The following DGKH variants were observed in gnomAD, a reference collection of about 807,000 sequenced individuals.
DGKH encodes the protein diacylglycerol kinase eta.
DGKH carries 90 observed loss-of-function variants against 159.3 expected under a neutral mutation model. The observed-to-expected ratio is 0.57, with a 90% CI of 0.48 to 0.67. DGKH has a LOEUF of 0.67. Ranked by LOEUF, DGKH falls within the 30% of genes least tolerant of loss-of-function variation. The probability of loss-of-function intolerance (pLI) is 0.00; values close to 1 mark genes in which losing one functional copy is unlikely to be tolerated. For synonymous variants in DGKH, 536 were observed against 553.8 expected (o/e 0.97, Z 0.45); for missense variants, 1,181 against 1,506.1 (o/e 0.78, Z 3.57).
intron 1 of DGKH, among the ~76,000 whole-genome samples, chr13:42,092,631 A>G (rs1954442317): frequency 6.6e-6 from 1 of 152,190 alleles, no homozygotes; most frequent in Admixed American, 6.5e-5. Context: ...GAGTCTGGTT[A>G]ATGGTACAAA....
At position 42,140,091 on chromosome 13, in the gene DGKH, C is replaced by G. The variant is rs564382010; in HGVS notation, c.384+10459C>G. On this transcript the variant is annotated intron_variant, in intron 3 of 29. Transcript: ENST00000337343. ...CTGCTCTTCTCCACAAACATGCCCC[C>G]CTCCCAGTATTTCTGAGGCCAAACC... Among the ~76,000 whole-genome samples the G allele has an allele frequency of 2.6e-5, 4 of 152,320 alleles. No homozygotes were observed. In the South Asian group the frequency reaches 6.2e-4, roughly 24 times the overall value.
chr13:42,063,574 C>G (rs1337152925), intron 1 of DGKH, among the ~76,000 whole-genome samples: 1 of 152,164 alleles, frequency 6.6e-6, no homozygotes, highest in East Asian at 1.9e-4. Flanking sequence ...AAAAATGAAG[C>G]AGTGGCTGGA....
intron 22 of DGKH, 77 bp downstream of exon 22, chr13:42,209,149 A>G (rs1392267799): frequency 2.8e-6 from 4 of 1,405,776 alleles, no homozygotes; most frequent in Non-Finnish European, 2.9e-6. Flanking sequence ...AACAACTCGT[A>G]CACTGGATAT....
At chr13:42,098,289 C>T (rs1010507775) in intron 1 of DGKH, among the ~76,000 whole-genome samples, 8 of 152,292 alleles carry the variant, frequency 5.3e-5, no homozygotes, top group Admixed American at 5.2e-4. Context: ...AAGTTCAAGA[C>T]CAGCCTGGCC....
rs1056684917 is a variant in DGKH, at chr13:42,239,889, C to T, written c.*10701C>T. ...ACTTTTGTAATCCAGGAATTTGGAA[C>T]TACTTATGACTTAGTGCCTTGGCAT... On this transcript the variant is annotated 3_prime_UTR_variant, in exon 30 of 30. Transcript: ENST00000337343. The T allele has an allele frequency of 6.6e-6, 1 of 152,230 alleles. No homozygotes were observed. Among genetic ancestry groups the T allele is most frequent in the Non-Finnish European group, 1.5e-5 (1 of 68,042 alleles). 9.4% of individuals were successfully genotyped at this position (152,230 alleles called of 1,614,324 possible).
At chr13:42,106,495 G>A (rs1594035365) in intron 1 of DGKH, among the ~76,000 whole-genome samples, 1 of 152,180 alleles carries the variant, frequency 6.6e-6, no homozygotes, top group South Asian at 2.1e-4. Context: ...CATCCAGGAC[G>A]TAGGAAAAGA....
At chr13:42,217,521 G>A (rs1051932558) in intron 26 of DGKH, among the ~76,000 whole-genome samples, 23 of 151,760 alleles carry the variant, frequency 1.5e-4, no homozygotes, top group Non-Finnish European at 2.9e-4. Context: ...GGGATTACAG[G>A]CATGAGCCAC....
intron 4 of DGKH, 83 bp downstream of exon 4, chr13:42,155,478 A>G: frequency 2.0e-6 from 3 of 1,480,532 alleles, no homozygotes; most frequent in South Asian, 1.2e-5. Flanking sequence ...GTGCAAACAT[A>G]AGTATGTGTA....
rs534912128 is a variant in DGKH at position 42,112,538 on chromosome 13, G to A, written c.193-14925G>A. On this transcript the variant is annotated intron_variant, in intron 1 of 29. Coordinates refer to ENST00000337343, the MANE Select transcript of DGKH (RefSeq NM_178009.5). The stretch of plus-strand genomic sequence containing the variant: ...GGCTGTGCTGCTTAGATTCTGGATG[G>A]CCTGTTCAAAGTGCCTGGTCACATG... 3.9e-5 allele frequency among the ~76,000 whole-genome samples: 6 copies of A among 152,322 alleles called. No homozygotes were observed. The East Asian group carries it at 1.2e-3, about 29-fold the overall frequency.
At chr13:42,151,578 TACACACACACACACACACACACAC>T (rs60281789) in intron 3 of DGKH, among the ~76,000 whole-genome samples, 1 of 93,776 alleles carries the variant, frequency 1.1e-5, no homozygotes, top group African/African-American at 3.5e-5. Flanking sequence ...CTTATATGTA[TACACACACACACACACACACACAC>T]ACACACACAC....
rs756247054 is a variant in DGKH, at chr13:42,229,235, CA to C, written c.*50del. The C allele has an allele frequency of 6.4e-7, 1 of 1,550,920 alleles. No homozygotes were observed. Among genetic ancestry groups the C allele is most frequent in the Non-Finnish European group, 8.8e-7 (1 of 1,136,890 alleles). Reference sequence around the variant, plus strand: ...GAAGAGAAGTTATTGCCACTTAATACAAAGTCCTTGGAAGCAAGTGGCTGTT... The same window carrying C: ...GAAGAGAAGTTATTGCCACTTAATACAAGTCCTTGGAAGCAAGTGGCTGTT... On this transcript the variant is annotated 3_prime_UTR_variant, in exon 30 of 30. Coordinates refer to ENST00000337343, the MANE Select transcript of DGKH (RefSeq NM_178009.5).
rs998058559 is a variant in DGKH at position 42,241,400 on chromosome 13, A to T, written c.*12212A>T. ...AAAAAACTAACCAAATTATTTTATC[A>T]TAAAGAGGTAATCCCATTTTTATGT... On this transcript the variant is annotated 3_prime_UTR_variant, in exon 30 of 30. Coordinates refer to ENST00000337343, the MANE Select transcript of DGKH (RefSeq NM_178009.5). 1 of 152,240 alleles carries T rather than the reference A, an allele frequency of 6.6e-6. No individual in the cohort carries two copies. The highest frequency in any genetic ancestry group is 2.4e-5 in the African/African-American group (1 of 41,466). 9.4% of individuals were successfully genotyped at this position (152,240 alleles called of 1,614,324 possible).
At position 42,150,131 on chromosome 13, in the gene DGKH, A is replaced by G. The variant is rs529913512; in HGVS notation, c.385-5160A>G. 5.3e-5 allele frequency among the ~76,000 whole-genome samples: 8 copies of G among 152,352 alleles called. No individual in the cohort carries two copies. The South Asian group carries it at 1.7e-3, about 32-fold the overall frequency. On this transcript the variant is annotated intron_variant, in intron 3 of 29. Coordinates refer to ENST00000337343, the MANE Select transcript of DGKH (RefSeq NM_178009.5). Reference sequence around the variant, plus strand: ...AGCTATGTATTATATAGTGAAATGAAATTATGCTTAATTATTTTAAAAATT... The same window carrying G: ...AGCTATGTATTATATAGTGAAATGAGATTATGCTTAATTATTTTAAAAATT...
At chr13:42,069,220 G>A (rs1882793215) in intron 1 of DGKH, 6 of 1,192,522 alleles carry the variant, frequency 5.0e-6, no homozygotes, top group Non-Finnish European at 7.2e-6. Flanking sequence ...TAAGTAACTA[G>A]TGTGTTTTCC....
intron 1 of DGKH, chr13:42,071,189 G>T: frequency 8.0e-6 from 4 of 497,166 alleles, no homozygotes; most frequent in South Asian, 2.8e-5. Context: ...TTTCAAAAAG[G>T]GATAAGAAAA....
chr13:42,159,644 C>A (rs1168991823), intron 6 of DGKH, among the ~76,000 whole-genome samples: 1 of 152,088 alleles, frequency 6.6e-6, no homozygotes, highest in Non-Finnish European at 1.5e-5. Flanking sequence ...TTCTTTAAGG[C>A]TTAGCTGAGA....
At position 42,239,725 on chromosome 13, in the gene DGKH, A is replaced by G. The variant is rs1958482692; in HGVS notation, c.*10537A>G. On this transcript the variant is annotated 3_prime_UTR_variant, in exon 30 of 30. Transcript: ENST00000337343. ...CCACCAGAGTGGTCTCTCTAAAACA[A>G]ATTTGCTAAAGTTCTTAAGTAGGCT... 1.3e-5 allele frequency: 2 copies of G among 152,592 alleles called. No homozygotes were observed. The highest frequency in any genetic ancestry group is 2.9e-5 in the Non-Finnish European group (2 of 68,024). 9.5% of individuals were successfully genotyped at this position (152,592 alleles called of 1,614,324 possible).
At chr13:42,063,939 G>GAA (rs77810411) in intron 1 of DGKH, among the ~76,000 whole-genome samples, 4,428 of 120,924 alleles carry the variant, frequency 0.037, 204 homozygotes, top group African/African-American at 0.12. Flanking sequence ...AACTCCGTCT[G>GAA]AAAAAAAAAA....
In DGKH at chr13:42,088,970, A is replaced by G. The variant is rs549165807; in HGVS notation, c.193-38493A>G. ...CAAAAGGAAAAACTAGAGTTGTTATATTAATATCAGACAAAATAGACTTCA... is the reference window on the plus strand; with the variant it reads ...CAAAAGGAAAAACTAGAGTTGTTATGTTAATATCAGACAAAATAGACTTCA... On this transcript the variant is annotated intron_variant, in intron 1 of 29. Transcript: ENST00000337343. Among the ~76,000 whole-genome samples, 5 of 152,354 alleles carry G rather than the reference A, an allele frequency of 3.3e-5. No individual in the cohort carries two copies. The South Asian group carries it at 6.2e-4, about 19-fold the overall frequency.
Sources: gnomAD v4.1 joint callset for allele counts (sites outside exome capture counted in the v4.1 genomes callset) on GRCh38, gnomAD v4.1.1 for gene constraint, MANE v1.5 for transcripts, NCBI Gene and HGNC (gene_info 2026-07-23, HGNC 2026-07-21) for gene names.